CDHR1: variants seen among roughly 807,000 people sequenced by gnomAD.
The protein encoded by CDHR1 is cadherin-related family member 1.
Under a neutral mutation model 72.1 loss-of-function variants are expected in CDHR1, and 61 were observed. The observed-to-expected ratio is 0.85, with a 90% confidence interval of 0.69 to 1.05. The LOEUF is 1.05. Among genes scored for constraint, CDHR1 ranks in the 50% least tolerant of loss-of-function variants. CDHR1 has a pLI of 0.00. For synonymous variants in CDHR1, 470 were observed against 448.1 expected (o/e 1.05, Z -0.62); for missense variants, 1,186 against 1,115.7 (o/e 1.06, Z -0.90).
chr10:84,206,131 C>T (rs893636512), intron 10 of CDHR1, among the ~76,000 whole-genome samples: 1 of 151,918 alleles, frequency 6.6e-6, no homozygotes, highest in Non-Finnish European at 1.5e-5. Flanking sequence ...GCAGCAATGC[C>T]TGAGCATGGG....
chr10:84,208,238 T>C lies in CDHR1; in HGVS notation c.1028T>C (p.Ile343Thr). The C allele has an allele frequency of 1.2e-6, 2 of 1,614,066 alleles. No homozygotes were observed. The highest frequency in any genetic ancestry group is 1.7e-6 in the Non-Finnish European group (2 of 1,180,004). Residue 343 changes from isoleucine (I) to threonine (T), a missense_variant, in exon 11 of 17, where the codon ATT becomes ACT. Coordinates refer to ENST00000623527, the MANE Select transcript of CDHR1 (RefSeq NM_033100.4). The part of the protein sequence containing the change: ...AQATVPVTIR[I>T]VDLNNHPPTF... ...GCCACCGTCCCAGTCACCATCAGGA[T>C]TGTGGACCTCAACAACCACCCGCCA...
At chr10:84,212,118 T>A in intron 14 of CDHR1, 61 bp from the exon 15 acceptor site, 1 of 1,377,172 alleles carries the variant, frequency 7.3e-7, no homozygotes, top group Non-Finnish European at 1.0e-6. Flanking sequence ...TGCAGGCATG[T>A]GTATGTATGC....
Position 84,215,789 on chromosome 10 carries a change from G to A in CDHR1, c.*1168G>A, listed in dbSNP as rs1041685452. ...AAGCGCCCCAGCAGGCACTGTGCTG[G>A]GCTTAGGGGCTACCACTGGATGATG... On this transcript the variant is annotated 3_prime_UTR_variant, in exon 17 of 17. Coordinates refer to ENST00000623527, the MANE Select transcript of CDHR1 (RefSeq NM_033100.4). 3.0e-6 allele frequency: 3 copies of A among 985,354 alleles called. No homozygotes were observed. The highest frequency in any genetic ancestry group is 3.5e-5 in the African/African-American group (2 of 57,210). The allele number at this position is 985,354 out of a possible 1,614,324, so 61.0% of individuals were successfully genotyped here. A position where few individuals can be genotyped will look rare whatever the true frequency, so the allele number is the denominator to read the frequency against.
At position 84,214,309 on chromosome 10, in the gene CDHR1, C is replaced by A; in HGVS notation, c.2268C>A (p.Leu756=). Residue 756 remains leucine (L), a synonymous_variant, in exon 17 of 17, where the codon CTC becomes CTA. Coordinates refer to ENST00000623527, the MANE Select transcript of CDHR1 (RefSeq NM_033100.4). ...CCCGCACCATCCGCATTGAGTGGCT[C>A]AAGTCCAAGAGCACCAAAGCCGCTA... ...PAPRTIRIEW[L]KSKSTKAATK... 6.2e-7 allele frequency: 1 copy of A among 1,614,130 alleles called. No homozygotes were observed. The highest frequency in any genetic ancestry group is 8.5e-7 in the Non-Finnish European group (1 of 1,180,048).
In CDHR1 at chr10:84,217,641, G is replaced by A. The variant is rs11594855; in HGVS notation, c.*3020G>A. 217,362 of 985,264 alleles carry A rather than the reference G, an allele frequency of 0.22. 24,931 individuals carry two copies. Among genetic ancestry groups the A allele is most frequent in the East Asian group, 0.28 (2,458 of 8,806 alleles). The allele number at this position is 985,264 out of a possible 1,614,324, so 61.0% of individuals were successfully genotyped here. A position where few individuals can be genotyped will look rare whatever the true frequency, so the allele number is the denominator to read the frequency against. Reference sequence around the variant, plus strand: ...TACACAAGCTCAGTAGACACTTGCCGTGACTGTGGCCCACATACTAGAACA... The same window carrying A: ...TACACAAGCTCAGTAGACACTTGCCATGACTGTGGCCCACATACTAGAACA... On this transcript the variant is annotated 3_prime_UTR_variant, in exon 17 of 17. Coordinates refer to ENST00000623527, the MANE Select transcript of CDHR1 (RefSeq NM_033100.4).
rs770949432 is a variant in CDHR1, at chr10:84,214,375, TAAC to T, written c.2342_2344del (p.Asn781del). The T allele has an allele frequency of 9.9e-6, 16 of 1,614,076 alleles. No individual in the cohort carries two copies. Among genetic ancestry groups the T allele is most frequent in the Middle Eastern group, 1.6e-4 (1 of 6,062 alleles). On this transcript the variant is annotated inframe_deletion, in exon 17 of 17. Transcript: ENST00000623527. ...AAGAGAAACCTCCCAATGAGAACTGTAACAACAACAGCCCAGAAAGCTCTCTGC... is the reference window on the plus strand; with the variant it reads ...AAGAGAAACCTCCCAATGAGAACTGTAACAACAGCCCAGAAAGCTCTCTGC...
At chr10:84,210,756 A>G (rs933511924) in intron 12 of CDHR1, among the ~76,000 whole-genome samples, 13 of 152,230 alleles carry the variant, frequency 8.5e-5, no homozygotes, top group African/African-American at 3.1e-4. Context: ...TCAGTGGAAC[A>G]AAATAAACTG....
intron 6 of CDHR1, 136 bp downstream of exon 6, chr10:84,200,823 C>T (rs1842111402): frequency 2.0e-5 from 14 of 691,842 alleles, no homozygotes; most frequent in South Asian, 1.6e-4. Flanking sequence ...TTGGGATGGG[C>T]AGGAGGGGAT....
Position 84,199,044 on chromosome 10 carries a change from G to C in CDHR1, c.361G>C (p.Val121Leu). The C allele has an allele frequency of 6.4e-7, 1 of 1,551,698 alleles. No homozygotes were observed. Among genetic ancestry groups the C allele is most frequent in the South Asian group, 1.2e-5 (1 of 84,058 alleles). The stretch of plus-strand genomic sequence containing the variant: ...TGCCCCTTCTCAGGTGGCCGAAAAA[G>C]TCGTGATCCTGGTGACCGATGCCAA... ...SDGLNLVAEK[V>L]VILVTDANDE... is the part of the protein sequence containing the mutation. Residue 121 changes from valine (V) to leucine (L), a missense_variant, in exon 5 of 17, where the codon GTC becomes CTC. Physicochemically the swap from Val to Leu is conservative, Grantham distance 32. Coordinates refer to ENST00000623527, the MANE Select transcript of CDHR1 (RefSeq NM_033100.4).
At chr10:84,195,801 C>A (rs933675104) in intron 2 of CDHR1, among the ~76,000 whole-genome samples, 15 of 152,214 alleles carry the variant, frequency 9.9e-5, no homozygotes, top group African/African-American at 3.6e-4. Flanking sequence ...GGGCTCCCCC[C>A]CACAGACAGG....
Position 84,210,880 on chromosome 10 carries a change from G to A in CDHR1, c.1321-121G>A, listed in dbSNP as rs554447523. On this transcript the variant is annotated intron_variant, in intron 12 of 16. Coordinates refer to ENST00000623527, the MANE Select transcript of CDHR1 (RefSeq NM_033100.4). ...TTACAGGAATAGCTGGTTGGCAGCTGCGAGGAAGATCGGGAGACACGGCAG... is the reference window on the plus strand; with the variant it reads ...TTACAGGAATAGCTGGTTGGCAGCTACGAGGAAGATCGGGAGACACGGCAG... 129 of 1,113,204 alleles carry A rather than the reference G, an allele frequency of 1.2e-4. No homozygotes were observed. The East Asian group carries it at 1.6e-3, about 14-fold the overall frequency. The allele number at this position is 1,113,204 out of a possible 1,614,324, so 69.0% of individuals were successfully genotyped here.
In CDHR1 at chr10:84,214,400, C is replaced by G; in HGVS notation, c.2359C>G (p.Leu787Val). The stretch of plus-strand genomic sequence containing the variant: ...TAACAACAACAGCCCAGAAAGCTCT[C>G]TGCTCCCGAGAGCTCCGGCTCTCCC... ...NCNNNSPESS[L>V]LPRAPALPPP... The change falls in exon 17 of 17, where the codon CTG becomes GTG. Residue 787 changes from leucine (L) to valine (V), a missense_variant. Leu to Val is a conservative substitution (Grantham distance 32, BLOSUM62 1). Coordinates refer to ENST00000623527, the MANE Select transcript of CDHR1 (RefSeq NM_033100.4). 6.2e-7 allele frequency: 1 copy of G among 1,613,972 alleles called. No individual in the cohort carries two copies. The highest frequency in any genetic ancestry group is 8.5e-7 in the Non-Finnish European group (1 of 1,180,040).
Position 84,215,833 on chromosome 10 carries a change from C to T in CDHR1, c.*1212C>T, listed in dbSNP as rs1212970506. ...GATGATGGCATTGCCGTGACTCACA[C>T]ACCTCTACTTCTGTTCTTCCCTCAC... is the stretch of plus-strand genomic sequence containing the variant. On this transcript the variant is annotated 3_prime_UTR_variant, in exon 17 of 17. Coordinates refer to ENST00000623527, the MANE Select transcript of CDHR1 (RefSeq NM_033100.4). 1.4e-5 allele frequency: 14 copies of T among 985,448 alleles called. No homozygotes were observed. Among genetic ancestry groups the T allele is most frequent in the South Asian group, 4.7e-5 (1 of 21,286 alleles). 61.0% of individuals were successfully genotyped at this position (985,448 alleles called of 1,614,324 possible). A position where few individuals can be genotyped will look rare whatever the true frequency, so the allele number is the denominator to read the frequency against.
Position 84,218,049 on chromosome 10 carries a change from A to G in CDHR1, c.*3428A>G. 1 of 985,516 alleles carries G rather than the reference A, an allele frequency of 1.0e-6. No homozygotes were observed. The highest frequency in any genetic ancestry group is 1.1e-4 in the East Asian group (1 of 8,808). 61.0% of individuals were successfully genotyped at this position (985,516 alleles called of 1,614,324 possible). Reference sequence around the variant, plus strand: ...GAAGGCGTTGAGGGAATCCAAGGCCAGTCCACCTGCCAGGGGTGTTGGCAT... The same window carrying G: ...GAAGGCGTTGAGGGAATCCAAGGCCGGTCCACCTGCCAGGGGTGTTGGCAT... On this transcript the variant is annotated 3_prime_UTR_variant, in exon 17 of 17. Transcript: ENST00000623527.
intron 4 of CDHR1, among the ~76,000 whole-genome samples, chr10:84,198,335 C>A (rs1001540266): frequency 1.3e-5 from 2 of 152,260 alleles, no homozygotes; most frequent in African/African-American, 2.4e-5. Context: ...TAACAACTGG[C>A]CTCCGCCACT....
chr10:84,211,844 G>C, intron 14 of CDHR1, 129 bp downstream of exon 14: 1 of 857,336 alleles, frequency 1.2e-6, no homozygotes, highest in East Asian at 2.4e-5. Flanking sequence ...GAAGTGGAGA[G>C]AGGCAGTGGA....
intron 5 of CDHR1, 116 bp from the exon 6 acceptor site, chr10:84,200,485 T>A (rs1842103509): frequency 1.3e-6 from 1 of 740,738 alleles, no homozygotes; most frequent in Non-Finnish European, 2.4e-6. Context: ...CCTCAATTGT[T>A]CACCTCTTTT....
rs147543252 is a variant in CDHR1, at chr10:84,200,158, G to A, written c.439-443G>A. 2.2e-4 allele frequency among the ~76,000 whole-genome samples: 30 copies of A among 135,376 alleles called. No individual in the cohort carries two copies. In the East Asian group the frequency reaches 5.4e-3, roughly 24 times the overall value. The allele number at this position is 135,376 out of a possible 152,430, so 88.8% of individuals were successfully genotyped here. A position where few individuals can be genotyped will look rare whatever the true frequency, so the allele number is the denominator to read the frequency against. ...GCACTCCAACCTGGATAACAAGGGC[G>A]AAGCTCCATCTCAAAAAAAAAAAAA... is the stretch of plus-strand genomic sequence containing the variant. On this transcript the variant is annotated intron_variant, in intron 5 of 16. Coordinates refer to ENST00000623527, the MANE Select transcript of CDHR1 (RefSeq NM_033100.4).
chr10:84,203,137 CCCCTCAGCCAGCGAT>C lies in CDHR1; in HGVS notation c.783+20_783+34del. 2 of 1,614,084 alleles carry C rather than the reference CCCCTCAGCCAGCGAT, an allele frequency of 1.2e-6. No homozygotes were observed. The highest frequency in any genetic ancestry group is 8.5e-7 in the Non-Finnish European group (1 of 1,179,962). The stretch of plus-strand genomic sequence containing the variant: ...GACACCCTTCCGGTGGGTGGCTGTC[CCCCTCAGCCAGCGAT>C]CCCTCCAAATGCCTCCTGCCCTGAC... On this transcript the variant is annotated intron_variant, in intron 8 of 16. Coordinates refer to ENST00000623527, the MANE Select transcript of CDHR1 (RefSeq NM_033100.4).
Sources: gnomAD v4.1 joint callset for allele counts (sites outside exome capture counted in the v4.1 genomes callset) on GRCh38, gnomAD v4.1.1 for gene constraint, MANE v1.5 for transcripts, NCBI Gene and HGNC (gene_info 2026-07-23, HGNC 2026-07-21) for gene names.